The following PRRC2C variants were observed in gnomAD, a reference collection of about 807,000 sequenced individuals.
PRRC2C encodes proline rich coiled-coil 2C.
Under a neutral mutation model 317.2 loss-of-function variants are expected in PRRC2C, and 72 were observed. The observed-to-expected ratio is 0.23, with a 90% CI of 0.19 to 0.28. The LOEUF is 0.28. Ranked by LOEUF, PRRC2C falls within the 10% of genes least tolerant of loss-of-function variation. The pLI is 1.00. For synonymous variants in PRRC2C, 1,296 were observed against 1,205.9 expected, an observed-to-expected ratio of 1.07 and a Z score of -1.55; for missense variants, 3,074 against 3,459.7, an observed-to-expected ratio of 0.89 and a Z score of 2.80.
intron 1 of PRRC2C, among the ~76,000 whole-genome samples, chr1:171,495,929 G>A (rs142170953): frequency 2.6e-5 from 4 of 152,238 alleles, no homozygotes; most frequent in African/African-American, 9.6e-5. Flanking sequence ...AGTAGTTCTG[G>A]TGAGGGCTCT....
At position 171,591,718 on chromosome 1, in the gene PRRC2C, C is replaced by A; in HGVS notation, c.8568C>A (p.Thr2856=). The change falls in exon 35 of 35, where the codon ACC becomes ACA. Residue 2856 remains threonine, a synonymous_variant. Coordinates refer to ENST00000647382, the MANE Select transcript of PRRC2C (RefSeq NM_001387844.1). The part of the protein sequence containing the change: ...SDSSKPPETL[T]DPPGVCQEKV... ...CAAGTAAACCTCCTGAAACACTGACCGACCCTCCTGGGGTCTGTCAGGAAA... is the reference window on the plus strand; with the variant it reads ...CAAGTAAACCTCCTGAAACACTGACAGACCCTCCTGGGGTCTGTCAGGAAA... 6.2e-7 allele frequency: 1 copy of A among 1,613,758 alleles called. No homozygotes were observed. The highest frequency in any genetic ancestry group is 8.5e-7 in the Non-Finnish European group (1 of 1,179,844).
chr1:171,588,475 A>G lies in PRRC2C; in HGVS notation c.8169A>G (p.Thr2723=). 2 of 1,613,900 alleles carry G rather than the reference A, an allele frequency of 1.2e-6. No individual in the cohort carries two copies. The highest frequency in any genetic ancestry group is 1.7e-6 in the Non-Finnish European group (2 of 1,179,782). ...CAGCCCCTGCCACTGTGAGAATGACACAACCATTTCCTACACAGTTTGCAC... is the reference window on the plus strand; with the variant it reads ...CAGCCCCTGCCACTGTGAGAATGACGCAACCATTTCCTACACAGTTTGCAC... ...FQSAPATVRM[T]QPFPTQFAPQ... is the part of the protein sequence containing the mutation. Residue 2723 remains threonine, a synonymous_variant, in exon 33 of 35, where the codon ACA becomes ACG. Coordinates refer to ENST00000647382, the MANE Select transcript of PRRC2C (RefSeq NM_001387844.1).
chr1:171,587,705 C>A lies in PRRC2C; in HGVS notation c.8026C>A (p.Pro2676Thr). 2 of 1,613,562 alleles carry A rather than the reference C, an allele frequency of 1.2e-6. No homozygotes were observed. Among genetic ancestry groups the A allele is most frequent in the South Asian group, 1.1e-5 (1 of 91,060 alleles). The change falls in exon 32 of 35, where the codon CCT becomes ACT. Residue 2676 changes from proline to threonine, a missense_variant. Physicochemically the swap from Pro to Thr is conservative, Grantham distance 38. Transcript: ENST00000647382. ...GSGIDIKPGT[P>T]PIAGRSTTPT... ...TGGCATTGATATAAAACCAGGCACACCTCCAATCGCTGGTAGAAGCACCAC... is the reference window on the plus strand; with the variant it reads ...TGGCATTGATATAAAACCAGGCACAACTCCAATCGCTGGTAGAAGCACCAC...
intron 22 of PRRC2C, among the ~76,000 whole-genome samples, chr1:171,567,363 G>T (rs1683865787): frequency 6.6e-6 from 1 of 152,164 alleles, no homozygotes. Context: ...AAGATATGTT[G>T]ATTGACCATG....
At chr1:171,520,819 T>G (rs951628084) in intron 6 of PRRC2C, among the ~76,000 whole-genome samples, 2 of 149,558 alleles carry the variant, frequency 1.3e-5, no homozygotes, top group Middle Eastern at 3.4e-3. Flanking sequence ...TTTTTTTTTT[T>G]AATAAAGACG....
In PRRC2C at chr1:171,551,899, G is replaced by A. The variant is rs528244769; in HGVS notation, c.5127+1659G>A. Among the ~76,000 whole-genome samples, 5 of 152,300 alleles carry A rather than the reference G, an allele frequency of 3.3e-5. No individual in the cohort carries two copies. The East Asian group carries it at 9.6e-4, about 29-fold the overall frequency. ...GTAGTTTGAAGTCAGGTAGCATGATGCCTCCAGCTTTGTTCTTTTTGTTTA... is the reference window on the plus strand; with the variant it reads ...GTAGTTTGAAGTCAGGTAGCATGATACCTCCAGCTTTGTTCTTTTTGTTTA... On this transcript the variant is annotated intron_variant, in intron 18 of 34. Coordinates refer to ENST00000647382, the MANE Select transcript of PRRC2C (RefSeq NM_001387844.1).
intron 34 of PRRC2C, among the ~76,000 whole-genome samples, chr1:171,590,335 G>A (rs1358598179): frequency 6.6e-6 from 1 of 152,186 alleles, no homozygotes; most frequent in Non-Finnish European, 1.5e-5. Flanking sequence ...TGTGGGGACA[G>A]TTTTGTAGCA....
At chr1:171,537,161 T>A in intron 14 of PRRC2C, 102 bp from the exon 15 acceptor site, 1 of 884,416 alleles carries the variant, frequency 1.1e-6, no homozygotes, top group Non-Finnish European at 1.7e-6. Context: ...ATATGGAGAA[T>A]TCCACCTAAC....
chr1:171,567,310 G>A (rs1024087936), intron 22 of PRRC2C, among the ~76,000 whole-genome samples: 2 of 152,028 alleles, frequency 1.3e-5, no homozygotes, highest in Admixed American at 1.3e-4. Flanking sequence ...ACATTTAGGG[G>A]CCACATTGAA....
At chr1:171,555,964 AG>A (rs1394349099) in intron 18 of PRRC2C, among the ~76,000 whole-genome samples, 1 of 152,218 alleles carries the variant, frequency 6.6e-6, no homozygotes, top group Non-Finnish European at 1.5e-5. Context: ...GCAGTCAGAC[AG>A]GGACTTTTAA....
Position 171,568,311 on chromosome 1 carries a change from C to A in PRRC2C, c.6623C>A (p.Thr2208Lys). The stretch of plus-strand genomic sequence containing the variant: ...CCTAACACCGTGGCTACTAATAATA[C>A]AAAGATGGAGGATACTTTGGTTAAT... ...SLPNTVATNN[T>K]KMEDTLVNNV... is the part of the protein sequence containing the mutation. The change falls in exon 23 of 35, where the codon ACA becomes AAA. Residue 2208 changes from threonine (T) to lysine (K), a missense_variant. Thr to Lys is a moderately conservative substitution (Grantham distance 78). Around this residue, in one of 11 missense-constraint regions of PRRC2C, gnomAD observed 640 missense variants for 676.1 expected, o/e 0.95. Transcript: ENST00000647382. 3 of 1,606,920 alleles carry A rather than the reference C, an allele frequency of 1.9e-6. No individual in the cohort carries two copies. Among genetic ancestry groups the A allele is most frequent in the South Asian group, 1.1e-5 (1 of 89,560 alleles).
intron 23 of PRRC2C, among the ~76,000 whole-genome samples, chr1:171,569,750 T>C (rs933684441): frequency 2.0e-5 from 3 of 151,296 alleles, no homozygotes; most frequent in Non-Finnish European, 2.9e-5. Context: ...AGTTTAATTA[T>C]ACTTTGTGTC....
rs760387448 is a variant in PRRC2C at position 171,566,370 on chromosome 1, T to C, written c.6255T>C (p.Pro2085=). The change falls in exon 21 of 35, where the codon CCT becomes CCC. Residue 2085 remains proline (P), a synonymous_variant. Transcript: ENST00000647382. ...AATCTGCTGACAAAATACCTGAACC[T>C]AAAGAACAGCGGCAGAAGCAGCCAC... ...SEKSADKIPE[P]KEQRQKQPRA... 3.8e-6 allele frequency: 6 copies of C among 1,593,510 alleles called. No homozygotes were observed. The highest frequency in any genetic ancestry group is 5.1e-6 in the Non-Finnish European group (6 of 1,169,860).
Position 171,515,763 on chromosome 1 carries a change from G to C in PRRC2C, c.430G>C (p.Glu144Gln). 6.2e-7 allele frequency: 1 copy of C among 1,609,284 alleles called. No individual in the cohort carries two copies. Among genetic ancestry groups the C allele is most frequent in the South Asian group, 1.1e-5 (1 of 90,570 alleles). ...GIQVNSQFQQ[E>Q]FPSLQAAGDQ... The stretch of plus-strand genomic sequence containing the variant: ...CCAAGTGAATAGTCAGTTTCAGCAA[G>C]AATTTCCCAGCCTGCAGGCAGCTGG... The change falls in exon 5 of 35, where the codon GAA becomes CAA. Residue 144 changes from glutamate (E) to glutamine (Q), a missense_variant. Transcript: ENST00000647382.
intron 12 of PRRC2C, 47 bp from the exon 13 acceptor site, chr1:171,535,380 TA>T: frequency 6.6e-7 from 1 of 1,512,522 alleles, no homozygotes; most frequent in Non-Finnish European, 8.9e-7. Flanking sequence ...CTGTGTTTGA[TA>T]AGTGTCATAG....
Position 171,561,113 on chromosome 1 carries a change from G to A in PRRC2C, c.6117+10G>A, listed in dbSNP as rs767347022. ...AGCTCCTTCATCAGAGGTAAGAATA[G>A]GCTTTTAACAGCATAGGTGTGCTGG... is the stretch of plus-strand genomic sequence containing the variant. On this transcript the variant is annotated intron_variant, in intron 20 of 34. Transcript: ENST00000647382. 8 of 1,563,300 alleles carry A rather than the reference G, an allele frequency of 5.1e-6. No individual in the cohort carries two copies. The highest frequency in any genetic ancestry group is 7.1e-6 in the Non-Finnish European group (8 of 1,134,078).
rs1028272707 is a variant in PRRC2C, at chr1:171,493,049, C to T, written c.-58+7314C>T. 3.8e-4 allele frequency among the ~76,000 whole-genome samples: 57 copies of T among 148,402 alleles called. 1 individual carries two copies. Among genetic ancestry groups the T allele is most frequent in the Non-Finnish European group, 7.4e-5 (5 of 67,274 alleles). On this transcript the variant is annotated intron_variant, in intron 1 of 34. Transcript: ENST00000647382. ...CAAGGCGTGAGCCACTGCGCCTGGCCGGGGAATTTAAATAAAATAAAATAA... is the reference window on the plus strand; with the variant it reads ...CAAGGCGTGAGCCACTGCGCCTGGCTGGGGAATTTAAATAAAATAAAATAA...
At chr1:171,580,376 G>A (rs1286715780) in intron 28 of PRRC2C, among the ~76,000 whole-genome samples, 2 of 152,230 alleles carry the variant, frequency 1.3e-5, no homozygotes. Flanking sequence ...ACAGAACAGA[G>A]AGGGGTAAAT....
At chr1:171,577,345 A>T in intron 25 of PRRC2C, 89 bp from the exon 26 acceptor site, 1 of 1,155,132 alleles carries the variant, frequency 8.7e-7, no homozygotes, top group Non-Finnish European at 1.2e-6. Context: ...TAGAAACATT[A>T]ATTTTGCAGT....
Sources: gnomAD v4.1 joint callset for allele counts (sites outside exome capture counted in the v4.1 genomes callset) on GRCh38, gnomAD v4.1.1 for gene constraint, gnomAD v4.1.1 regional missense constraint, MANE v1.5 for transcripts, NCBI Gene and HGNC (gene_info 2026-07-23, HGNC 2026-07-21) for gene names.